MGAT1: variants seen among roughly 807,000 people sequenced by gnomAD.
The protein encoded by MGAT1 is N-glycosyl-oligosaccharide-glycoprotein N-acetylglucosaminyltransferase I.
MGAT1 carries 14 observed loss-of-function variants against 31.7 expected under a neutral mutation model. That is an observed-to-expected ratio of 0.44 (90% CI 0.29 to 0.69). The LOEUF (loss-of-function observed/expected upper bound fraction) is 0.69. MGAT1 is among the 30% of genes least tolerant of loss of function. The pLI, the probability that MGAT1 is intolerant of heterozygous loss-of-function variation, is 0.12. For synonymous variants in MGAT1, 338 were observed against 276.0 expected, an observed-to-expected ratio of 1.22 and a Z score of -2.23; for missense variants, 557 against 626.0, an observed-to-expected ratio of 0.89 and a Z score of 1.18.
At position 180,789,166 on chromosome 5, in the gene MGAT1, G is replaced by A. The variant is rs1049482594; in HGVS notation, c.*2468C>T. The A allele has an allele frequency of 6.6e-6, 1 of 152,294 alleles. No homozygotes were observed. 9.4% of individuals were successfully genotyped at this position (152,294 alleles called of 1,614,324 possible). A position where few individuals can be genotyped will look rare whatever the true frequency, so the allele number is the denominator to read the frequency against. On this transcript the variant is annotated 3_prime_UTR_variant, in exon 2 of 2. Transcript: ENST00000307826. Reference sequence around the variant, plus strand: ...CACTGGTTTCTGAGCCCAGATGGGAGGTTGGAGCTGCTCCCAAGGCCACGG... The same window carrying A: ...CACTGGTTTCTGAGCCCAGATGGGAAGTTGGAGCTGCTCCCAAGGCCACGG...
Position 180,792,991 on chromosome 5 carries a change from G to A in MGAT1, c.-20C>T. On this transcript the variant is annotated 5_prime_UTR_variant, in exon 2 of 2. Transcript: ENST00000307826. ...CAGCATCCTGGCCCCCACCGGGGAG[G>A]GCAGGCCAGGGGACGGTTCAAGGCT... 1 of 1,612,188 alleles carries A rather than the reference G, an allele frequency of 6.2e-7. No homozygotes were observed. Among genetic ancestry groups the A allele is most frequent in the Non-Finnish European group, 8.5e-7 (1 of 1,179,652 alleles).
At position 180,791,751 on chromosome 5, in the gene MGAT1, A is replaced by T. The variant is rs751728854; in HGVS notation, c.1221T>A (p.Leu407=). 68 of 1,613,718 alleles carry T rather than the reference A, an allele frequency of 4.2e-5. No homozygotes were observed. The highest frequency in any genetic ancestry group is 5.4e-5 in the Non-Finnish European group (64 of 1,179,736). The change falls in exon 2 of 2, where the codon CTT becomes CTA. Residue 407 remains leucine, a synonymous_variant. Coordinates refer to ENST00000307826, the MANE Select transcript of MGAT1 (RefSeq NM_002406.4). ...FAKALGVMDD[L]KSGVPRAGYR... The stretch of plus-strand genomic sequence containing the variant: ...AGCCAGCTCTCGGAACCCCCGACTT[A>T]AGGTCATCCATGACACCCAGAGCCT...
At chr5:180,799,881 CCTGCTATATGGACAGGACA>C (rs1277202712) in intron 1 of MGAT1, among the ~76,000 whole-genome samples, 1 of 152,100 alleles carries the variant, frequency 6.6e-6, no homozygotes, top group Non-Finnish European at 1.5e-5. Context: ...CTCCTAGGAC[CCTGCTATATGGACAGGACA>C]CTGCTACATG....
chr5:180,814,473 T>C (rs572002727), intron 1 of MGAT1, among the ~76,000 whole-genome samples: 1 of 152,330 alleles, frequency 6.6e-6, no homozygotes, highest in Admixed American at 6.5e-5. Context: ...CTCCCTTTTC[T>C]CTCTTTACCC....
intron 1 of MGAT1, chr5:180,809,968 C>T (rs1392959616): frequency 1.3e-5 from 2 of 152,318 alleles, no homozygotes; most frequent in African/African-American, 4.8e-5. Context: ...GACACTGCGA[C>T]CCTTCCTGGA....
At chr5:180,795,766 C>T (rs752582784) in intron 1 of MGAT1, 8 of 152,196 alleles carry the variant, frequency 5.3e-5, no homozygotes, top group East Asian at 1.9e-4. Flanking sequence ...CATCCATCAG[C>T]GTAATCCCAG....
At chr5:180,803,887 C>G (rs185152145), upstream of MGAT1, 1 of 152,406 alleles carries the variant, frequency 6.6e-6, no homozygotes, top group African/African-American at 2.4e-5. Flanking sequence ...CCAAGAAGGG[C>G]TGCTGCCATG....
At chr5:180,799,828 C>G (rs147496408) in intron 1 of MGAT1, among the ~76,000 whole-genome samples, 3 of 152,162 alleles carry the variant, frequency 2.0e-5, no homozygotes, top group Non-Finnish European at 4.4e-5. Flanking sequence ...GAGACTAACT[C>G]ATAAAAGGCA....
chr5:180,791,532 C>T lies in MGAT1; in HGVS notation c.*102G>A. The T allele has an allele frequency of 1.4e-6, 2 of 1,386,406 alleles. No individual in the cohort carries two copies. Among genetic ancestry groups the T allele is most frequent in the Non-Finnish European group, 2.0e-6 (2 of 1,014,982 alleles). 85.9% of individuals were successfully genotyped at this position (1,386,406 alleles called of 1,614,324 possible). A position where few individuals can be genotyped will look rare whatever the true frequency, so the allele number is the denominator to read the frequency against. On this transcript the variant is annotated 3_prime_UTR_variant, in exon 2 of 2. Coordinates refer to ENST00000307826, the MANE Select transcript of MGAT1 (RefSeq NM_002406.4). ...CTCGGAAAAATCAAAAAGATAAATG[C>T]ACCTAAGAGGGAAACACAGGCAGGC...
At chr5:180,797,433 G>A (rs796128306) in intron 1 of MGAT1, among the ~76,000 whole-genome samples, 6 of 147,370 alleles carry the variant, frequency 4.1e-5, no homozygotes, top group African/African-American at 1.5e-4. Context: ...AAAAAAAGGG[G>A]GGGGGGGCCC....
chr5:180,815,590 C>T (rs1374555598), upstream of MGAT1: 1 of 152,276 alleles, frequency 6.6e-6, no homozygotes, highest in Non-Finnish European at 1.5e-5. Flanking sequence ...CCTCCACCCT[C>T]TCCTTTGACC....
In MGAT1 at chr5:180,792,142, G is replaced by A; in HGVS notation, c.830C>T (p.Ala277Val). 1 of 1,613,086 alleles carries A rather than the reference G, an allele frequency of 6.2e-7. No individual in the cohort carries two copies. The highest frequency in any genetic ancestry group is 8.5e-7 in the Non-Finnish European group (1 of 1,179,970). The part of the protein sequence containing the change: ...LGWLLLAELW[A>V]ELEPKWPKAF... ...CTTTGGCCACTTGGGCTCCAGCTCA[G>A]CCCAGAGCTCGGCCAACAGCAGCCA... The change falls in exon 2 of 2, where the codon GCT becomes GTT. Residue 277 changes from alanine (A) to valine (V), a missense_variant. Transcript: ENST00000307826.
Position 180,792,920 on chromosome 5 carries a change from C to T in MGAT1, c.52G>A (p.Val18Met), listed in dbSNP as rs944353716. 5 of 1,612,982 alleles carry T rather than the reference C, an allele frequency of 3.1e-6. No homozygotes were observed. Among genetic ancestry groups the T allele is most frequent in the Non-Finnish European group, 3.4e-6 (4 of 1,179,770 alleles). Residue 18 changes from valine (V) to methionine (M), a missense_variant, in exon 2 of 2, where the codon GTG (valine) becomes ATG (methionine). Val to Met is a conservative substitution (Grantham distance 21). Coordinates refer to ENST00000307826, the MANE Select transcript of MGAT1 (RefSeq NM_002406.4). The part of the protein sequence containing the change: ...GLVLWGAILF[V>M]AWNALLLLFF... ...AGGAGCAGCAGGGCATTCCAGGCCA[C>T]AAAGAGGATAGCGCCCCACAGCACA... is the stretch of plus-strand genomic sequence containing the variant.
rs148413292 is a variant in MGAT1 at position 180,791,888 on chromosome 5, C to A, written c.1084G>T (p.Val362Phe). ...EAYDRDFLAR[V>F]YGAPQLQVEK... ...ACCTGCAGCTGGGGAGCACCGTAGA[C>A]GCGGGCGAGGAAATCTCGGTCATAG... The change falls in exon 2 of 2, where the codon GTC (valine) becomes TTC (phenylalanine). Residue 362 changes from valine (V) to phenylalanine (F), a missense_variant. Val to Phe is a conservative substitution (Grantham distance 50, BLOSUM62 -1). This residue lies in a region of MGAT1 where 145 missense variants were observed against 143.2 expected (regional missense o/e 1.01). Transcript: ENST00000307826. 2 of 1,614,236 alleles carry A rather than the reference C, an allele frequency of 1.2e-6. No individual in the cohort carries two copies. The highest frequency in any genetic ancestry group is 1.7e-6 in the Non-Finnish European group (2 of 1,180,054).
chr5:180,791,637 AT>A lies in MGAT1; in HGVS notation c.1334del (p.Asn445IlefsTer77). The A allele has an allele frequency of 6.2e-7, 1 of 1,613,000 alleles. No homozygotes were observed. ...LTWEGYDPSW[N>X] ...GCCCAGGAAGGACAGGCAGGTGCTA[AT>A]TCCAGCTAGGATCATAGCCCTCCCA... On this transcript the variant is annotated frameshift_variant, in exon 2 of 2. Transcript: ENST00000307826. LOFTEE classifies it high-confidence loss of function.
chr5:180,792,936 C>G lies in MGAT1; in HGVS notation c.36G>C (p.Trp12Cys), dbSNP rs761577610. 6.2e-7 allele frequency: 1 copy of G among 1,613,454 alleles called. No individual in the cohort carries two copies. The highest frequency in any genetic ancestry group is 2.2e-5 in the East Asian group (1 of 44,848). Residue 12 changes from tryptophan to cysteine, a missense_variant, in exon 2 of 2, where the codon TGG becomes TGC. By Grantham distance (215) the Trp-to-Cys change is radical. This residue lies in a region of MGAT1 where 167 missense variants were observed against 149.8 expected (regional missense o/e 1.11). Transcript: ENST00000307826. ...LKKQSAGLVLWGAILFVAWNA... is the reference protein window; with the variant it reads ...LKKQSAGLVLCGAILFVAWNA... ...TCCAGGCCACAAAGAGGATAGCGCCCCACAGCACAAGCCCTGCAGACTGCT... is the reference window on the plus strand; with the variant it reads ...TCCAGGCCACAAAGAGGATAGCGCCGCACAGCACAAGCCCTGCAGACTGCT...
At chr5:180,795,375 T>C (rs904608309) in intron 1 of MGAT1, 10 of 152,044 alleles carry the variant, frequency 6.6e-5, no homozygotes, top group African/African-American at 2.4e-4. Flanking sequence ...TTGATATCAA[T>C]TGTATGTCAA....
chr5:180,794,405 T>TTTTA (rs1768893492), intron 1 of MGAT1, among the ~76,000 whole-genome samples: 2 of 122,410 alleles, frequency 1.6e-5, no homozygotes, highest in African/African-American at 3.4e-5. Context: ...AAAAAATTTT[T>TTTTA]TTTTATTATA....
intron 1 of MGAT1, chr5:180,795,310 CAT>C (rs1223469854): frequency 8.2e-4 from 124 of 151,386 alleles, no homozygotes; most frequent in Admixed American, 1.9e-3. Flanking sequence ...CACACACACA[CAT>C]ATATGTCAAA....
Sources: allele counts gnomAD v4.1 joint callset (sites outside exome capture counted in the v4.1 genomes callset), GRCh38; gene constraint gnomAD v4.1.1; regional missense constraint gnomAD v4.1.1; transcripts MANE v1.5; gene names NCBI Gene and HGNC (gene_info 2026-07-23, HGNC 2026-07-21).